SPTBN1: variants seen among roughly 807,000 people sequenced by gnomAD.
The protein encoded by SPTBN1 is spectrin beta, non-erythrocytic 1.
SPTBN1 carries 32 observed loss-of-function variants against 266.4 expected under a neutral mutation model. The observed-to-expected ratio is 0.12, with a 90% confidence interval of 0.09 to 0.16. SPTBN1 has a LOEUF of 0.16. Among genes scored for constraint, SPTBN1 ranks in the 10% least tolerant of loss-of-function variants. The pLI is 1.00. For synonymous variants in SPTBN1, 1,336 were observed against 1,162.2 expected (o/e 1.15, Z -3.04); for missense variants, 2,296 against 3,067.1 (o/e 0.75, Z 5.94).
At chr2:54,519,137 GC>G (rs1670278933) in intron 1 of SPTBN1, among the ~76,000 whole-genome samples, 2 of 152,220 alleles carry the variant, frequency 1.3e-5, no homozygotes, top group African/African-American at 4.8e-5. Flanking sequence ...AATTGACTTT[GC>G]CCCTGTGCTC....
chr2:54,589,342 G>C (rs1360982096), intron 2 of SPTBN1, among the ~76,000 whole-genome samples: 1 of 152,170 alleles, frequency 6.6e-6, no homozygotes, highest in Non-Finnish European at 1.5e-5. Context: ...GTTATTGTGG[G>C]TCTCCTCTCA....
chr2:54,591,613 G>A (rs1675687709), intron 2 of SPTBN1, among the ~76,000 whole-genome samples: 1 of 152,166 alleles, frequency 6.6e-6, no homozygotes, highest in Non-Finnish European at 1.5e-5. Flanking sequence ...CTGATTCTAT[G>A]TTTCCTTTTT....
At chr2:54,553,632 C>T (rs1289562535) in intron 2 of SPTBN1, among the ~76,000 whole-genome samples, 1 of 152,188 alleles carries the variant, frequency 6.6e-6, no homozygotes, top group Non-Finnish European at 1.5e-5. Flanking sequence ...TTTGACAAAA[C>T]ACAATCCTAT....
chr2:54,644,734 C>T (rs1007621942), intron 20 of SPTBN1, 148 bp downstream of exon 20: 7 of 1,050,458 alleles, frequency 6.7e-6, no homozygotes, highest in East Asian at 2.5e-5. Flanking sequence ...CTAACAGCAT[C>T]GTAGAACATT....
chr2:54,623,107 G>A (rs1678102953), intron 9 of SPTBN1, among the ~76,000 whole-genome samples: 1 of 151,974 alleles, frequency 6.6e-6, no homozygotes, highest in Admixed American at 6.5e-5. Context: ...ATATATCTTG[G>A]TAAGGTCTCT....
chr2:54,638,088 C>T (rs1344332533), intron 18 of SPTBN1, among the ~76,000 whole-genome samples: 1 of 152,190 alleles, frequency 6.6e-6, no homozygotes, highest in African/African-American at 2.4e-5. Context: ...TTGGCTATTT[C>T]ATTTTAAATT....
At chr2:54,470,809 A>AC (rs558730445) in intron 1 of SPTBN1, among the ~76,000 whole-genome samples, 457 of 152,276 alleles carry the variant, frequency 3.0e-3, no homozygotes, top group Middle Eastern at 0.014. Flanking sequence ...ACCTGTCTCA[A>AC]ACCCCACACT....
At chr2:54,666,982 A>G (rs2104270025) in intron 34 of SPTBN1, among the ~76,000 whole-genome samples, 1 of 152,246 alleles carries the variant, frequency 6.6e-6, no homozygotes, top group African/African-American at 2.4e-5. Context: ...TACTCCCTTC[A>G]TGCAGCTTCA....
At chr2:54,578,196 G>A (rs1490575425) in intron 2 of SPTBN1, among the ~76,000 whole-genome samples, 1 of 152,168 alleles carries the variant, frequency 6.6e-6, no homozygotes, top group Non-Finnish European at 1.5e-5. Context: ...AAAGTACAGT[G>A]TTCACTGCTG....
In SPTBN1 at chr2:54,628,566, C is replaced by G. The variant is rs185054912; in HGVS notation, c.1798+316C>G. On this transcript the variant is annotated intron_variant, in intron 13 of 35. Transcript: ENST00000356805. The surrounding 1 kb of genome is among the most constrained non-coding windows in gnomAD (Gnocchi z 4.3). ...GTGTGGCTGTTCCAGCAGCTCCTGG[C>G]TTTCACAGCTGGTTGCATATACCTC... is the stretch of plus-strand genomic sequence containing the variant. Among the ~76,000 whole-genome samples, 231 of 152,250 alleles carry G rather than the reference C, an allele frequency of 1.5e-3. 1 individual carries two copies. The highest frequency in any genetic ancestry group is 5.2e-3 in the Admixed American group (79 of 15,302).
At chr2:54,648,029 C>T (rs1025113600) in intron 24 of SPTBN1, among the ~76,000 whole-genome samples, 1 of 152,180 alleles carries the variant, frequency 6.6e-6, no homozygotes, top group Admixed American at 6.5e-5. Flanking sequence ...AAAGTGATAA[C>T]ACCTCCTAAC....
intron 17 of SPTBN1, among the ~76,000 whole-genome samples, chr2:54,633,901 A>G (rs1678937170): frequency 2.0e-5 from 3 of 152,044 alleles, no homozygotes; most frequent in Admixed American, 1.3e-4. Context: ...GCTGAACTAT[A>G]TGTTCTAGGG....
intron 2 of SPTBN1, among the ~76,000 whole-genome samples, chr2:54,534,676 C>T (rs534737627): frequency 1.3e-4 from 20 of 152,276 alleles, no homozygotes; most frequent in African/African-American, 4.6e-4. Context: ...CCAGTTTCTC[C>T]CCTGCTTCTG....
rs754107495 is a variant in SPTBN1, at chr2:54,617,622, A to G, written c.581A>G (p.Asn194Ser). 2.2e-5 allele frequency: 35 copies of G among 1,614,020 alleles called. No individual in the cohort carries two copies. The highest frequency in any genetic ancestry group is 4.4e-5 in the South Asian group (4 of 91,082). Residue 194 changes from asparagine (N) to serine (S), a missense_variant, in exon 6 of 36, where the codon AAC becomes AGC. Around this residue, in one of 12 missense-constraint regions of SPTBN1, gnomAD observed 178 missense variants for 375.7 expected, o/e 0.47. Coordinates refer to ENST00000356805, the MANE Select transcript of SPTBN1 (RefSeq NM_003128.3). ...GTCCTTGGCAGGTACCCCAATGTCA[A>G]CATTCACAATTTCACCACTAGCTGG... The part of the protein sequence containing the change: ...QMKTAGYPNV[N>S]IHNFTTSWRD...
intron 1 of SPTBN1, among the ~76,000 whole-genome samples, chr2:54,480,703 G>A (rs1257747530): frequency 6.6e-6 from 1 of 152,224 alleles, no homozygotes; most frequent in Middle Eastern, 3.2e-3. Flanking sequence ...TCATCACTGA[G>A]TTGCTGCTGC....
At chr2:54,607,581 C>G (rs1288047728) in intron 3 of SPTBN1, among the ~76,000 whole-genome samples, 1 of 152,126 alleles carries the variant, frequency 6.6e-6, no homozygotes, top group Non-Finnish European at 1.5e-5. Flanking sequence ...CGTGCCATTG[C>G]ACTCCAGCCT....
chr2:54,645,508 T>C lies in SPTBN1; in HGVS notation c.4494+55T>C. ...TTTCCACGAGCCCCCTTGCCTGTGC[T>C]AAAGCCCACATTCTCACTTCTCAGT... On this transcript the variant is annotated intron_variant, in intron 21 of 35. Coordinates refer to ENST00000356805, the MANE Select transcript of SPTBN1 (RefSeq NM_003128.3). The surrounding 1 kb of genome is among the most constrained non-coding windows in gnomAD (Gnocchi z 4.3). 6.4e-7 allele frequency: 1 copy of C among 1,567,484 alleles called. No individual in the cohort carries two copies. The highest frequency in any genetic ancestry group is 8.7e-7 in the Non-Finnish European group (1 of 1,149,176).
At position 54,615,484 on chromosome 2, in the gene SPTBN1, A is replaced by G. The variant is rs573436995; in HGVS notation, c.475-723A>G. Among the ~76,000 whole-genome samples the G allele has an allele frequency of 6.6e-5, 10 of 152,348 alleles. No homozygotes were observed. In the South Asian group the frequency reaches 2.1e-3, roughly 32 times the overall value. On this transcript the variant is annotated intron_variant, in intron 4 of 35. Transcript: ENST00000356805. ...GTAGCTGGCAGTTGGCGCCTAATCT[A>G]AAAACTAACATTCACAGACCCTTAT...
In SPTBN1 at chr2:54,645,839, T is replaced by TG; in HGVS notation, c.4495-88dup. On this transcript the variant is annotated intron_variant, in intron 21 of 35. Coordinates refer to ENST00000356805, the MANE Select transcript of SPTBN1 (RefSeq NM_003128.3). The surrounding 1 kb of genome is among the most constrained non-coding windows in gnomAD (Gnocchi z 4.3). ...CTGAGCACTCTCTGAAGCTCACCCT[T>TG]GCTGTCCCTCACTGCCCCTCACTGC... 1 of 1,419,044 alleles carries TG rather than the reference T, an allele frequency of 7.0e-7. No homozygotes were observed. Among genetic ancestry groups the TG allele is most frequent in the South Asian group, 1.2e-5 (1 of 84,774 alleles). 87.9% of individuals were successfully genotyped at this position (1,419,044 alleles called of 1,614,324 possible).
Sources: gnomAD v4.1 joint callset for allele counts (sites outside exome capture counted in the v4.1 genomes callset) on GRCh38, gnomAD v4.1.1 for gene constraint, gnomAD v4.1.1 regional missense constraint, Gnocchi (gnomAD v3.1) non-coding constraint, MANE v1.5 for transcripts, NCBI Gene and HGNC (gene_info 2026-07-23, HGNC 2026-07-21) for gene names.